DRD3: variants seen among roughly 807,000 people sequenced by gnomAD.
The protein encoded by DRD3 is D(3) dopamine receptor.
Under a neutral mutation model 36.3 loss-of-function variants are expected in DRD3, and 19 were observed. The observed-to-expected ratio is 0.52, with a 90% CI of 0.36 to 0.77. The LOEUF (loss-of-function observed/expected upper bound fraction) is 0.77, where lower values mean the gene tolerates loss of function less well. DRD3 is among the 30% of genes least tolerant of loss of function. The pLI is 0.00. For synonymous variants in DRD3, 195 were observed against 203.7 expected, an observed-to-expected ratio of 0.96 and a Z score of 0.36; for missense variants, 465 against 505.3, an observed-to-expected ratio of 0.92 and a Z score of 0.77.
At chr3:114,146,139 A>G (rs2077567767) in intron 4 of DRD3, among the ~76,000 whole-genome samples, 4 of 152,200 alleles carry the variant, frequency 2.6e-5, no homozygotes, top group Non-Finnish European at 1.5e-5. Context: ...AGCAAATGAC[A>G]CTTGGAAGAT....
chr3:114,128,038 A>C lies in DRD3; in HGVS notation c.*678T>G, dbSNP rs1311250557. Among the ~76,000 whole-genome samples, 2 of 152,250 alleles carry C rather than the reference A, an allele frequency of 1.3e-5. No homozygotes were observed. The highest frequency in any genetic ancestry group is 2.9e-5 in the Non-Finnish European group (2 of 68,044). ...GTTGAGACTCTGAGATTTCCTCTAG[A>C]GAGTAAAGGAATGGAATCAGAAAGC... is the stretch of plus-strand genomic sequence containing the variant. On this transcript the variant is annotated 3_prime_UTR_variant, in exon 7 of 7. Coordinates refer to ENST00000383673, the MANE Select transcript of DRD3 (RefSeq NM_000796.6).
upstream of DRD3, among the ~76,000 whole-genome samples, chr3:114,182,180 G>C (rs1406731360): frequency 6.6e-6 from 1 of 152,136 alleles, no homozygotes; most frequent in African/African-American, 2.4e-5. Flanking sequence ...CCAGTAGTAT[G>C]GTTATTTCTT....
At chr3:114,169,229 G>A (rs1323314110) in intron 2 of DRD3, among the ~76,000 whole-genome samples, 1 of 151,398 alleles carries the variant, frequency 6.6e-6, no homozygotes, top group East Asian at 2.0e-4. Context: ...TTGCCTCTAA[G>A]GAAAGATAGG....
At chr3:114,145,162 G>T (rs1236931307) in intron 4 of DRD3, among the ~76,000 whole-genome samples, 1 of 152,010 alleles carries the variant, frequency 6.6e-6, no homozygotes, top group African/African-American at 2.4e-5. Flanking sequence ...TGGCTAGAGG[G>T]TAAGAAGTGC....
At chr3:114,191,865 G>C (rs1358610424) in intron 1 of DRD3, among the ~76,000 whole-genome samples, 1 of 152,204 alleles carries the variant, frequency 6.6e-6, no homozygotes, top group Non-Finnish European at 1.5e-5. Flanking sequence ...AGTTCTATAA[G>C]AGCATTGAGG....
chr3:114,151,974 T>TA (rs2077622356), intron 3 of DRD3, among the ~76,000 whole-genome samples: 1 of 152,262 alleles, frequency 6.6e-6, no homozygotes, highest in Non-Finnish European at 1.5e-5. Context: ...GGGGTCCTGT[T>TA]AAAATGCAGA....
chr3:114,146,657 C>G (rs1208222403), intron 4 of DRD3, among the ~76,000 whole-genome samples: 2 of 149,148 alleles, frequency 1.3e-5, no homozygotes, highest in Non-Finnish European at 3.0e-5. Context: ...CTAGATTGTG[C>G]CATTGGACTC....
At position 114,143,628 on chromosome 3, in the gene DRD3, A is replaced by T. The variant is rs146890992; in HGVS notation, c.526+3787T>A. 3.6e-3 allele frequency among the ~76,000 whole-genome samples: 553 copies of T among 152,298 alleles called. 10 individuals carry two copies. Among genetic ancestry groups the T allele is most frequent in the Admixed American group, 0.03 (458 of 15,292 alleles). ...AATCTGATTTTAGGATGGGCCTGTT[A>T]TTCTTTTAATTTTGTGCTTCTACTA... On this transcript the variant is annotated intron_variant, in intron 4 of 6. Transcript: ENST00000383673.
intron 1 of DRD3, among the ~76,000 whole-genome samples, chr3:114,194,472 G>A (rs746767937): frequency 9.2e-5 from 14 of 151,952 alleles, no homozygotes; most frequent in Non-Finnish European, 1.6e-4. Context: ...TAGTAGAGAC[G>A]GGGTTTTACC....
intron 3 of DRD3, 127 bp downstream of exon 3, chr3:114,159,628 G>T: frequency 1.4e-6 from 1 of 698,518 alleles, no homozygotes; most frequent in Non-Finnish European, 2.4e-6. Context: ...AAAAGAAAAA[G>T]AGAGGAAAGA....
At chr3:114,142,827 A>T (rs976830292) in intron 4 of DRD3, among the ~76,000 whole-genome samples, 1 of 152,226 alleles carries the variant, frequency 6.6e-6, no homozygotes, top group African/African-American at 2.4e-5. Context: ...CTGCATTGCC[A>T]TCTCTTCCTT....
At position 114,128,398 on chromosome 3, in the gene DRD3, T is replaced by G. The variant is rs1036172893; in HGVS notation, c.*318A>C. 7.9e-5 allele frequency among the ~76,000 whole-genome samples: 12 copies of G among 152,252 alleles called. No homozygotes were observed. The highest frequency in any genetic ancestry group is 2.9e-4 in the African/African-American group (12 of 41,476). On this transcript the variant is annotated 3_prime_UTR_variant, in exon 7 of 7. Coordinates refer to ENST00000383673, the MANE Select transcript of DRD3 (RefSeq NM_000796.6). Reference sequence around the variant, plus strand: ...TGAGAATGATGAGATCTGTTCATTTTCCTTCAGTGTAATGAATCATGCCTC... The same window carrying G: ...TGAGAATGATGAGATCTGTTCATTTGCCTTCAGTGTAATGAATCATGCCTC...
At chr3:114,195,982 G>A (rs900044806) in intron 1 of DRD3, among the ~76,000 whole-genome samples, 3 of 152,170 alleles carry the variant, frequency 2.0e-5, no homozygotes, top group African/African-American at 7.2e-5. Context: ...AAAGTATACA[G>A]AACCAGGGAA....
chr3:114,134,717 G>A (rs2077460440), intron 5 of DRD3, among the ~76,000 whole-genome samples: 1 of 152,066 alleles, frequency 6.6e-6, no homozygotes, highest in Admixed American at 6.5e-5. Context: ...ACAGCATCTG[G>A]CCTAGAGTTT....
intron 1 of DRD3, among the ~76,000 whole-genome samples, chr3:114,195,652 T>C (rs948244489): frequency 7.9e-5 from 12 of 152,146 alleles, no homozygotes; most frequent in African/African-American, 2.4e-4. Flanking sequence ...TATTTTCAGG[T>C]TTAAAGTTCA....
intron 5 of DRD3, among the ~76,000 whole-genome samples, chr3:114,131,960 G>T (rs2077435323): frequency 6.6e-6 from 1 of 152,184 alleles, no homozygotes; most frequent in Non-Finnish European, 1.5e-5. Context: ...ACTGTTGGTG[G>T]GAGTGTAAGT....
chr3:114,148,267 C>T (rs2077586561), intron 3 of DRD3, among the ~76,000 whole-genome samples: 2 of 152,150 alleles, frequency 1.3e-5, no homozygotes, highest in African/African-American at 4.8e-5. Flanking sequence ...TTACCGTCTC[C>T]TGCAGGTTTT....
chr3:114,141,972 C>A (rs1048111087), intron 4 of DRD3, among the ~76,000 whole-genome samples: 1 of 149,126 alleles, frequency 6.7e-6, no homozygotes, highest in Non-Finnish European at 1.5e-5. Flanking sequence ...CCGCTTGAAC[C>A]CAGGAGGCAG....
intron 2 of DRD3, among the ~76,000 whole-genome samples, chr3:114,171,521 C>T (rs1178590635): frequency 5.3e-5 from 8 of 152,182 alleles, no homozygotes; most frequent in Non-Finnish European, 1.0e-4. Context: ...ATTCTCAGCT[C>T]CTTGGTTCTG....
Sources: gnomAD v4.1 joint callset for allele counts (sites outside exome capture counted in the v4.1 genomes callset) on GRCh38, gnomAD v4.1.1 for gene constraint, MANE v1.5 for transcripts, NCBI Gene and HGNC (gene_info 2026-07-23, HGNC 2026-07-21) for gene names.